Variants in SUPT3H observed in about 807,000 individuals in gnomAD.
The protein encoded by SUPT3H is transcription initiation protein SPT3 homolog.
In SUPT3H, 44 loss-of-function variants were observed where a neutral mutation model predicts 44.3. The observed-to-expected ratio is 0.99, with a 90% CI of 0.78 to 1.28. The LOEUF is 1.28. Among genes scored for constraint, SUPT3H ranks in the 50% most tolerant of loss-of-function variants. SUPT3H has a pLI of 0.00. For missense variants in SUPT3H, 380 were observed against 387.1 expected, an observed-to-expected ratio of 0.98 and a Z score of 0.15; for synonymous variants, 124 against 125.6, an observed-to-expected ratio of 0.99 and a Z score of 0.09.
chr6:44,892,352 T>C (rs976095075), intron 10 of SUPT3H, among the ~76,000 whole-genome samples: 1 of 152,022 alleles, frequency 6.6e-6, no homozygotes, highest in Non-Finnish European at 1.5e-5. Context: ...GGAAAGGCCA[T>C]GTGAAAATAC....
chr6:45,363,022 TATTTTTA>T (rs1448182064), intron 2 of SUPT3H, among the ~76,000 whole-genome samples: 1 of 152,106 alleles, frequency 6.6e-6, no homozygotes, highest in Non-Finnish European at 1.5e-5. Context: ...TTTTTATTTT[TATTTTTA>T]ATTTTTGTAG....
chr6:44,867,595 T>C (rs1775709795), intron 10 of SUPT3H, among the ~76,000 whole-genome samples: 1 of 152,096 alleles, frequency 6.6e-6, no homozygotes, highest in Non-Finnish European at 1.5e-5. Flanking sequence ...AGCAATTCCA[T>C]CCCCAATGCG....
chr6:45,280,823 A>C (rs1351418357), intron 2 of SUPT3H, among the ~76,000 whole-genome samples: 1 of 143,336 alleles, frequency 7.0e-6, no homozygotes. Context: ...TATTTCTCCT[A>C]TTTAAAAATA....
chr6:45,039,623 T>C (rs1418718735), intron 3 of SUPT3H, among the ~76,000 whole-genome samples: 1 of 151,858 alleles, frequency 6.6e-6, no homozygotes, highest in Non-Finnish European at 1.5e-5. Flanking sequence ...CTACTAAAAA[T>C]ACAAAATTTA....
chr6:44,991,185 T>C (rs1780568970), intron 6 of SUPT3H, among the ~76,000 whole-genome samples: 1 of 152,124 alleles, frequency 6.6e-6, no homozygotes, highest in South Asian at 2.1e-4. Flanking sequence ...TTAATACTTA[T>C]TATTTATCTG....
chr6:44,930,388 A>G (rs1333919389), intron 10 of SUPT3H, among the ~76,000 whole-genome samples: 17 of 151,206 alleles, frequency 1.1e-4, no homozygotes, highest in Admixed American at 2.6e-4. Context: ...CTCAAAAAAA[A>G]AAAGAAAAAA....
chr6:45,094,690 A>T (rs917722009), intron 3 of SUPT3H, among the ~76,000 whole-genome samples: 3 of 152,108 alleles, frequency 2.0e-5, no homozygotes, highest in Non-Finnish European at 2.9e-5. Context: ...TTATTTTTTT[A>T]AAAAGACAAT....
chr6:44,991,753 T>C (rs1286075717), intron 6 of SUPT3H, among the ~76,000 whole-genome samples: 1 of 152,114 alleles, frequency 6.6e-6, no homozygotes, highest in African/African-American at 2.4e-5. Flanking sequence ...TAAAGGCAGC[T>C]CCTCAGCATG....
chr6:44,952,442 C>G (rs1774450187), intron 9 of SUPT3H, among the ~76,000 whole-genome samples: 1 of 152,178 alleles, frequency 6.6e-6, no homozygotes, highest in Non-Finnish European at 1.5e-5. Flanking sequence ...AGATATTTAA[C>G]AAGGAGTAGA....
chr6:45,113,827 C>CAAAAAAAAAAAAAAAAAAAAAAAAAAA (rs374606230), intron 2 of SUPT3H, among the ~76,000 whole-genome samples: 1 of 112,794 alleles, frequency 8.9e-6, no homozygotes, highest in African/African-American at 3.4e-5. Flanking sequence ...AAGACTCCAT[C>CAAAAAAAAAAAAAAAAAAAAAAAAAAA]AAAAAAAAAA....
chr6:45,069,019 C>T (rs958741211), intron 3 of SUPT3H, among the ~76,000 whole-genome samples: 1 of 150,982 alleles, frequency 6.6e-6, no homozygotes, highest in South Asian at 2.1e-4. Flanking sequence ...ATAAAGAGTA[C>T]ACTGTATAGC....
chr6:45,157,582 T>C (rs1808042837), intron 2 of SUPT3H, among the ~76,000 whole-genome samples: 1 of 152,038 alleles, frequency 6.6e-6, no homozygotes, highest in Middle Eastern at 3.4e-3. Flanking sequence ...GGAGTCTCAC[T>C]GTGTCACCCA....
rs187025873 is a variant in SUPT3H, at chr6:44,953,548, C to T, written c.694-131G>A. On this transcript the variant is annotated intron_variant, in intron 8 of 10. Transcript: ENST00000371459. ...CTTGCCTAAAAATCTATATTGTAGA[C>T]ATGAGCACACACTTTCATTGACTGG... is the stretch of plus-strand genomic sequence containing the variant. 5.8e-4 allele frequency: 383 copies of T among 660,624 alleles called. 1 individual carries two copies. In the African/African-American group the frequency reaches 6.2e-3, roughly 11 times the overall value. The allele number at this position is 660,624 out of a possible 1,614,324, so 40.9% of individuals were successfully genotyped here.
intron 10 of SUPT3H, among the ~76,000 whole-genome samples, chr6:44,900,838 A>C (rs1463129703): frequency 6.6e-6 from 1 of 152,150 alleles, no homozygotes; most frequent in Non-Finnish European, 1.5e-5. Context: ...CAGAGGAACG[A>C]TCAGGCAGCA....
intron 2 of SUPT3H, chr6:45,328,207 A>G: frequency 2.7e-6 from 3 of 1,123,822 alleles, no homozygotes; most frequent in Non-Finnish European, 3.5e-6. Flanking sequence ...AGTGGTAGGC[A>G]GTCCCACTTT....
chr6:44,916,051 A>C (rs1767758059), intron 10 of SUPT3H, among the ~76,000 whole-genome samples: 1 of 152,186 alleles, frequency 6.6e-6, no homozygotes, highest in Non-Finnish European at 1.5e-5. Context: ...AATTTTGTTG[A>C]ATTATAGATT....
At chr6:45,032,899 A>G (rs573080146) in intron 3 of SUPT3H, among the ~76,000 whole-genome samples, 1 of 152,286 alleles carries the variant, frequency 6.6e-6, no homozygotes, top group African/African-American at 2.4e-5. Context: ...GAATGAGCTA[A>G]AACAGTATTT....
At chr6:44,929,542 T>C (rs1425540438) in intron 10 of SUPT3H, among the ~76,000 whole-genome samples, 2 of 152,190 alleles carry the variant, frequency 1.3e-5, no homozygotes, top group Admixed American at 6.5e-5. Context: ...ACATTTTACA[T>C]TGGAGGCAAG....
chr6:45,341,903 T>TA (rs1789860243), intron 2 of SUPT3H, among the ~76,000 whole-genome samples: 1 of 152,098 alleles, frequency 6.6e-6, no homozygotes, highest in African/African-American at 2.4e-5. Context: ...TGTATGAAGA[T>TA]AGACAAAAGG....
Sources: allele counts gnomAD v4.1 joint callset (sites outside exome capture counted in the v4.1 genomes callset), GRCh38; gene constraint gnomAD v4.1.1; transcripts MANE v1.5; gene names NCBI Gene and HGNC (gene_info 2026-07-23, HGNC 2026-07-21).